ARHGAP39: variants seen among roughly 807,000 people sequenced by gnomAD.
ARHGAP39 encodes rho GTPase-activating protein 39.
In ARHGAP39, 44 loss-of-function variants were observed where a neutral mutation model predicts 106.9. That is an observed-to-expected ratio of 0.41 (90% confidence interval 0.32 to 0.53). The LOEUF is 0.53. ARHGAP39 is among the 20% of genes least tolerant of loss of function. The probability of loss-of-function intolerance (pLI) is 0.21; values close to 1 mark genes in which losing one functional copy is unlikely to be tolerated. For missense variants in ARHGAP39, 1,496 were observed against 1,577.3 expected, an observed-to-expected ratio of 0.95 and a Z score of 0.87; for synonymous variants, 768 against 693.2, an observed-to-expected ratio of 1.11 and a Z score of -1.69.
the ARHGAP39 span, among the ~76,000 whole-genome samples, chr8:144,697,556 G>A: frequency 6.6e-6 from 1 of 151,504 alleles, no homozygotes; most frequent in Non-Finnish European, 1.5e-5. Flanking sequence ...TTTCACTCTT[G>A]TTGCCCAGGC....
Position 144,581,093 on chromosome 8 carries a change from G to C in ARHGAP39, c.265C>G (p.Arg89Gly). 1 of 1,590,518 alleles carries C rather than the reference G, an allele frequency of 6.3e-7. No homozygotes were observed. Among genetic ancestry groups the C allele is most frequent in the Non-Finnish European group, 8.6e-7 (1 of 1,169,400 alleles). The change falls in exon 3 of 12, where the codon CGC (arginine) becomes GGC (glycine). Residue 89 changes from arginine (R) to glycine (G), a missense_variant. Transcript: ENST00000377307. ...CCCTGCGGCCGGTGCCACACCGTGC[G>C]CTGCGTGCTGGCATTGTAGTAGTAG... ...RFYYYNASTQ[R>G]TVWHRPQGCD...
At chr8:144,570,261 T>A (rs1303645604) in intron 3 of ARHGAP39, among the ~76,000 whole-genome samples, 2 of 152,124 alleles carry the variant, frequency 1.3e-5, no homozygotes, top group African/African-American at 2.4e-5. Context: ...CAAAAGCTTA[T>A]AAGCCGAGCA....
At chr8:144,695,654 T>G in the ARHGAP39 span, among the ~76,000 whole-genome samples, 5 of 152,146 alleles carry the variant, frequency 3.3e-5, no homozygotes, top group Non-Finnish European at 7.3e-5. Context: ...TCCTTTATAC[T>G]TTGGTTTAGA....
intron 3 of ARHGAP39, among the ~76,000 whole-genome samples, chr8:144,574,695 T>C (rs1447339124): frequency 6.6e-6 from 1 of 151,932 alleles, no homozygotes; most frequent in East Asian, 1.9e-4. Context: ...ATAATAATAA[T>C]AAAAAATAAA....
intron 2 of ARHGAP39, among the ~76,000 whole-genome samples, chr8:144,605,084 G>A (rs1820232609): frequency 6.6e-6 from 1 of 152,068 alleles, no homozygotes; most frequent in South Asian, 2.1e-4. Flanking sequence ...CCAAGCAACA[G>A]ACCTCATCTT....
intron 1 of ARHGAP39, among the ~76,000 whole-genome samples, chr8:144,620,068 CTGTG>C (rs1290890592): frequency 8.4e-6 from 1 of 119,568 alleles, no homozygotes; most frequent in Admixed American, 9.0e-5. Context: ...GAGAGCGTGT[CTGTG>C]TGTGCCCGAG....
rs1487013136 is a variant in ARHGAP39, at chr8:144,581,291, G to T, written c.81-14C>A. The T allele has an allele frequency of 2.0e-6, 3 of 1,527,080 alleles. No homozygotes were observed. The highest frequency in any genetic ancestry group is 2.6e-6 in the Non-Finnish European group (3 of 1,132,842). The allele number at this position is 1,527,080 out of a possible 1,614,324, so 94.6% of individuals were successfully genotyped here. A position where few individuals can be genotyped will look rare whatever the true frequency, so the allele number is the denominator to read the frequency against. On this transcript the variant is annotated splice_polypyrimidine_tract_variant and intron_variant, in intron 2 of 11. Transcript: ENST00000377307. ...ACCCACTCCAACCTGGGGAGAGACA[G>T]GGTTAAGGCGGCTGGAGCCACGGCG...
chr8:144,665,813 T>C (rs1821948713), intron 1 of ARHGAP39, among the ~76,000 whole-genome samples: 1 of 152,230 alleles, frequency 6.6e-6, no homozygotes, highest in Non-Finnish European at 1.5e-5. Flanking sequence ...GGAAAACCTC[T>C]GCTAGGGCAG....
chr8:144,544,723 ATGGGGCAGCTT>A (rs751030346), intron 6 of ARHGAP39, among the ~76,000 whole-genome samples: 53 of 152,188 alleles, frequency 3.5e-4, no homozygotes, highest in Non-Finnish European at 7.2e-4. Flanking sequence ...GTGCGACCCC[ATGGGGCAGCTT>A]TGGGGCAGCT....
intron 1 of ARHGAP39, among the ~76,000 whole-genome samples, chr8:144,672,888 G>C (rs1342500342): frequency 6.6e-6 from 1 of 152,154 alleles, no homozygotes; most frequent in African/African-American, 2.4e-5. Context: ...CTTCTGCACG[G>C]AGACCAGTGT....
intron 2 of ARHGAP39, among the ~76,000 whole-genome samples, chr8:144,597,316 C>CGCCTCCAGTCCAAA (rs2130924166): frequency 6.6e-6 from 1 of 152,366 alleles, no homozygotes; most frequent in South Asian, 2.1e-4. Context: ...CACCGCCCTA[C>CGCCTCCAGTCCAAA]GCCTCCAGTC....
chr8:144,601,344 A>C (rs2130933095), intron 2 of ARHGAP39, among the ~76,000 whole-genome samples: 1 of 106,796 alleles, frequency 9.4e-6, no homozygotes, highest in East Asian at 3.1e-4. Flanking sequence ...GTGCTCGTGT[A>C]CCTGTGTGCG....
upstream of ARHGAP39, among the ~76,000 whole-genome samples, chr8:144,687,845 C>T (rs1013936937): frequency 9.1e-5 from 11 of 121,070 alleles, no homozygotes; most frequent in African/African-American, 9.8e-5. Flanking sequence ...TGACCACACA[C>T]TAGCAGTGAG....
intron 3 of ARHGAP39, among the ~76,000 whole-genome samples, chr8:144,576,124 G>A (rs1390406782): frequency 6.6e-6 from 1 of 152,062 alleles, no homozygotes; most frequent in East Asian, 1.9e-4. Flanking sequence ...GAGGTTAAGA[G>A]ATCGAGACCA....
At chr8:144,618,370 A>G (rs1200479402) in intron 1 of ARHGAP39, among the ~76,000 whole-genome samples, 1 of 152,210 alleles carries the variant, frequency 6.6e-6, no homozygotes, top group Non-Finnish European at 1.5e-5. Flanking sequence ...GAGCTTTTTA[A>G]AAAGAATCCA....
intron 1 of ARHGAP39, among the ~76,000 whole-genome samples, chr8:144,629,098 G>A (rs980990344): frequency 6.6e-6 from 1 of 152,162 alleles, no homozygotes; most frequent in South Asian, 2.1e-4. Context: ...ACTTGGAAAC[G>A]TTTTCTGTAG....
At chr8:144,688,198 G>C (rs1822672006), upstream of ARHGAP39, among the ~76,000 whole-genome samples, 1 of 151,732 alleles carries the variant, frequency 6.6e-6, no homozygotes, top group African/African-American at 2.4e-5. Flanking sequence ...CTGCCTTCTG[G>C]GTTCAAGCAA....
chr8:144,689,291 C>T (rs1035269804), upstream of ARHGAP39, among the ~76,000 whole-genome samples: 1 of 152,066 alleles, frequency 6.6e-6, no homozygotes. Context: ...AGCCATCACA[C>T]CACTCCCAGC....
In ARHGAP39 at chr8:144,555,652, CA is replaced by C. The variant is rs1283215930; in HGVS notation, c.513-10del. The C allele has an allele frequency of 6.2e-7, 1 of 1,610,420 alleles. No individual in the cohort carries two copies. The highest frequency in any genetic ancestry group is 1.7e-5 in the Admixed American group (1 of 60,014). On this transcript the variant is annotated splice_polypyrimidine_tract_variant and intron_variant, in intron 3 of 11. Coordinates refer to ENST00000377307, the MANE Select transcript of ARHGAP39 (RefSeq NM_025251.3). ...CTCCTGGTGGTGAAGAGCTGAAACA[CA>C]GTAAAATGAAAGAAATATGAATATA...
Sources: gnomAD v4.1 joint callset for allele counts (sites outside exome capture counted in the v4.1 genomes callset) on GRCh38, gnomAD v4.1.1 for gene constraint, MANE v1.5 for transcripts, NCBI Gene and HGNC (gene_info 2026-07-23, HGNC 2026-07-21) for gene names.